The following CLASP2 variants were observed in gnomAD, a reference collection of about 807,000 sequenced individuals.
The protein encoded by CLASP2 is CLIP-associating protein 2.
A neutral mutation model predicts 194.4 loss-of-function variants in CLASP2; 47 were observed. The ratio of observed to expected loss-of-function variants is 0.24; its 90% CI spans 0.19 to 0.31. The LOEUF is 0.31. CLASP2 is among the 10% of genes least tolerant of loss of function. The pLI is 1.00. For synonymous variants in CLASP2, 619 were observed against 633.5 expected (o/e 0.98, Z 0.34); for missense variants, 1,445 against 1,823.6 (o/e 0.79, Z 3.78).
intron 34 of CLASP2, among the ~76,000 whole-genome samples, chr3:33,519,192 C>T (rs2052269060): frequency 6.6e-6 from 1 of 152,122 alleles, no homozygotes. Context: ...TCAAGAAGTA[C>T]AAAATAGTCT....
intron 24 of CLASP2, 45 bp downstream of exon 24, chr3:33,576,124 T>A (rs1329262404): frequency 1.3e-6 from 2 of 1,486,312 alleles, no homozygotes; most frequent in Non-Finnish European, 1.9e-6. Context: ...TTCAACAGTT[T>A]CGTAATTGGA....
chr3:33,542,067 A>C (rs555924400), intron 32 of CLASP2, among the ~76,000 whole-genome samples: 22 of 152,184 alleles, frequency 1.4e-4, no homozygotes, highest in Non-Finnish European at 1.9e-4. Context: ...TGTGGGCTTG[A>C]TTTGCATTTC....
intron 23 of CLASP2, among the ~76,000 whole-genome samples, chr3:33,576,823 G>C (rs1474791913): frequency 6.6e-6 from 1 of 151,842 alleles, no homozygotes; most frequent in African/African-American, 2.4e-5. Context: ...GGCATACAGA[G>C]ACAAACCAGA....
At chr3:33,569,562 C>T (rs948880392) in intron 26 of CLASP2, among the ~76,000 whole-genome samples, 3 of 152,106 alleles carry the variant, frequency 2.0e-5, no homozygotes, top group Middle Eastern at 3.2e-3. Flanking sequence ...GTAAGACTAA[C>T]AGCTGTAATC....
intron 37 of CLASP2, chr3:33,504,007 C>G (rs1004255246): frequency 3.9e-5 from 6 of 152,070 alleles, no homozygotes; most frequent in Non-Finnish European, 8.8e-5. Context: ...AGTCCTTTGT[C>G]CATTTAAAAG....
chr3:33,560,926 G>A lies in CLASP2; in HGVS notation c.2812C>T (p.His938Tyr), dbSNP rs948461159. Residue 938 changes from histidine to tyrosine, a missense_variant, in exon 28 of 39, where the codon CAC becomes TAC. His to Tyr is a moderately conservative substitution (Grantham distance 83). This residue lies in a region of CLASP2 where 732 missense variants were observed against 987.9 expected (regional missense o/e 0.74). Transcript: ENST00000682230. ...AACCAATCTTGAAGATCATCTTTGT[G>A]GACTTGTATGAAATCCACTAGAGTC... is the stretch of plus-strand genomic sequence containing the variant. ...LETLVDFIQV[H>Y]KDDLQDWLFV... 6 of 1,613,594 alleles carry A rather than the reference G, an allele frequency of 3.7e-6. No individual in the cohort carries two copies. The highest frequency in any genetic ancestry group is 4.5e-5 in the East Asian group (2 of 44,882).
intron 34 of CLASP2, among the ~76,000 whole-genome samples, chr3:33,523,364 A>T (rs1466871687): frequency 6.6e-6 from 1 of 152,224 alleles, no homozygotes; most frequent in African/African-American, 2.4e-5. Flanking sequence ...ACATCAAGAC[A>T]CATGATAATC....
intron 32 of CLASP2, among the ~76,000 whole-genome samples, chr3:33,542,268 T>G (rs139936571): frequency 2.8e-4 from 43 of 151,144 alleles, no homozygotes; most frequent in African/African-American, 1.0e-3. Flanking sequence ...CAGTCAGTCA[T>G]ATTTTTTCCT....
chr3:33,691,199 G>T (rs1245483337), intron 2 of CLASP2, among the ~76,000 whole-genome samples: 1 of 152,160 alleles, frequency 6.6e-6, no homozygotes, highest in Non-Finnish European at 1.5e-5. Context: ...AGCCCCTGAA[G>T]ATAATGGGGG....
Position 33,602,440 on chromosome 3 carries a change from A to C in CLASP2, c.1924+512T>G. On this transcript the variant is annotated intron_variant, in intron 18 of 38. Coordinates refer to ENST00000682230, the MANE Select transcript of CLASP2 (RefSeq NM_001365631.1). ...AGAAAAAAATGGAAGCATGAAGAAG[A>C]GATACGCAAACCAACGTCAACTTTT... is the stretch of plus-strand genomic sequence containing the variant. 8 of 691,374 alleles carry C rather than the reference A, an allele frequency of 1.2e-5. 1 individual carries two copies. The South Asian group carries it at 1.2e-4, about 11-fold the overall frequency. 42.8% of individuals were successfully genotyped at this position (691,374 alleles called of 1,614,324 possible).
At chr3:33,717,564 T>C (rs1292503170) in intron 1 of CLASP2, among the ~76,000 whole-genome samples, 1 of 152,076 alleles carries the variant, frequency 6.6e-6, no homozygotes, top group African/African-American at 2.4e-5. Flanking sequence ...GTAGCTGGGA[T>C]TACAGGCGCC....
In CLASP2 at chr3:33,501,783, C is replaced by A; in HGVS notation, c.4318-15G>T. On this transcript the variant is annotated splice_polypyrimidine_tract_variant and intron_variant, in intron 37 of 38. Transcript: ENST00000682230. Reference sequence around the variant, plus strand: ...TTATCATAACCCTACGGAGAGAAGTCCACTGTTAGTACTCCAGAGAAGTCC... The same window carrying A: ...TTATCATAACCCTACGGAGAGAAGTACACTGTTAGTACTCCAGAGAAGTCC... The A allele has an allele frequency of 6.5e-7, 1 of 1,537,514 alleles. No homozygotes were observed. Among genetic ancestry groups the A allele is most frequent in the South Asian group, 1.1e-5 (1 of 89,456 alleles).
At chr3:33,510,209 G>T (rs183617880) in intron 37 of CLASP2, among the ~76,000 whole-genome samples, 9 of 152,232 alleles carry the variant, frequency 5.9e-5, no homozygotes, top group African/African-American at 2.2e-4. Context: ...CCAGGTGCTG[G>T]GGGGGATGAA....
At chr3:33,518,242 C>G (rs2051984138) in intron 34 of CLASP2, among the ~76,000 whole-genome samples, 1 of 152,156 alleles carries the variant, frequency 6.6e-6, no homozygotes, top group Non-Finnish European at 1.5e-5. Context: ...AGCATAATTA[C>G]AAACTCATGG....
rs1243285548 is a variant in CLASP2 at position 33,690,044 on chromosome 3, G to A, written c.275-112C>T. 3 of 626,598 alleles carry A rather than the reference G, an allele frequency of 4.8e-6. No homozygotes were observed. In the East Asian group the frequency reaches 9.6e-5, roughly 20 times the overall value. The allele number at this position is 626,598 out of a possible 1,614,324, so 38.8% of individuals were successfully genotyped here. On this transcript the variant is annotated intron_variant, in intron 2 of 38. Transcript: ENST00000682230. The stretch of plus-strand genomic sequence containing the variant: ...GTTTCCATAAATGAAGAGTTGTGAG[G>A]TAAAGAAATTGTTTTAAGTTCTTTA...
At chr3:33,707,346 T>C (rs374711340) in intron 1 of CLASP2, among the ~76,000 whole-genome samples, 7 of 152,326 alleles carry the variant, frequency 4.6e-5, no homozygotes, top group South Asian at 2.1e-4. Flanking sequence ...AAAAAAACCA[T>C]TGTTTTCACA....
chr3:33,545,996 A>C (rs904312422), intron 30 of CLASP2, among the ~76,000 whole-genome samples: 3 of 152,218 alleles, frequency 2.0e-5, no homozygotes, highest in African/African-American at 7.2e-5. Context: ...GGTATCTAAC[A>C]TGTTAATAGT....
At chr3:33,663,317 T>C (rs1273794889) in intron 7 of CLASP2, 128 bp downstream of exon 7, 4 of 508,614 alleles carry the variant, frequency 7.9e-6, no homozygotes, top group Non-Finnish European at 1.3e-5. Context: ...AATATTTTGT[T>C]ATTATATCTC....
At chr3:33,565,204 G>T (rs2062478421) in intron 27 of CLASP2, among the ~76,000 whole-genome samples, 1 of 151,924 alleles carries the variant, frequency 6.6e-6, no homozygotes, top group South Asian at 2.1e-4. Flanking sequence ...TTCTGAGACG[G>T]AGTCTCACCT....
Sources: gnomAD v4.1 joint callset for allele counts (sites outside exome capture counted in the v4.1 genomes callset) on GRCh38, gnomAD v4.1.1 for gene constraint, gnomAD v4.1.1 regional missense constraint, MANE v1.5 for transcripts, NCBI Gene and HGNC (gene_info 2026-07-23, HGNC 2026-07-21) for gene names.